AARS1: variants seen among roughly 807,000 people sequenced by gnomAD.
The protein encoded by AARS1 is alanyl-tRNA synthetase 1.
In AARS1, 72 loss-of-function variants were observed where a neutral mutation model predicts 108.9. That is an observed-to-expected ratio of 0.66 (90% CI 0.55 to 0.80). The LOEUF is 0.80. Among genes scored for constraint, AARS1 ranks in the 30% least tolerant of loss-of-function variants. The probability of loss-of-function intolerance (pLI) is 0.00; values close to 1 mark genes in which losing one functional copy is unlikely to be tolerated. For missense variants in AARS1, 1,193 were observed against 1,233.2 expected (o/e 0.97, Z 0.49); for synonymous variants, 489 against 465.7 (o/e 1.05, Z -0.64).
chr16:70,276,899 C>G, intron 3 of AARS1, 67 bp downstream of exon 3: 1 of 1,553,196 alleles, frequency 6.4e-7, no homozygotes, highest in South Asian at 1.1e-5. Flanking sequence ...AAAATTAGAA[C>G]CCAGTTCCCA....
Position 70,252,504 on chromosome 16 carries a change from A to C in AARS1, c.*217T>G. The C allele has an allele frequency of 3.4e-6, 2 of 595,162 alleles. No homozygotes were observed. Among genetic ancestry groups the C allele is most frequent in the Non-Finnish European group, 6.0e-6 (2 of 333,828 alleles). The allele number at this position is 595,162 out of a possible 1,614,324, so 36.9% of individuals were successfully genotyped here. On this transcript the variant is annotated 3_prime_UTR_variant, in exon 21 of 21. Transcript: ENST00000261772. The stretch of plus-strand genomic sequence containing the variant: ...GATGCGAGCGTGACGATCAACAGCA[A>C]TGCGGGGTTAGTGGTTCTAGACCGA...
chr16:70,285,712 G>C (rs1023512140), intron 1 of AARS1, among the ~76,000 whole-genome samples: 2 of 152,100 alleles, frequency 1.3e-5, no homozygotes, highest in Non-Finnish European at 2.9e-5. Flanking sequence ...GCCTCCCAAA[G>C]TGCTAGGATT....
At chr16:70,262,967 C>CAAAAAAAAA (rs57444625) in intron 11 of AARS1, among the ~76,000 whole-genome samples, 460 of 20,606 alleles carry the variant, frequency 0.022, 63 homozygotes, top group Admixed American at 0.026. Flanking sequence ...GACTCGGTCT[C>CAAAAAAAAA]AAAAAAAAAA....
intron 9 of AARS1, among the ~76,000 whole-genome samples, chr16:70,267,286 C>T (rs1046260336): frequency 1.3e-5 from 2 of 152,132 alleles, no homozygotes; most frequent in South Asian, 4.1e-4. Flanking sequence ...ACAGTACATA[C>T]CAAATATTCC....
At chr16:70,284,517 G>C (rs1199628316) in intron 1 of AARS1, among the ~76,000 whole-genome samples, 8 of 152,096 alleles carry the variant, frequency 5.3e-5, no homozygotes, top group Non-Finnish European at 1.2e-4. Context: ...CAGGAGAATG[G>C]CGTGAACCCA....
intron 2 of AARS1, 55 bp downstream of exon 2, chr16:70,282,565 G>C (rs1171593061): frequency 1.2e-6 from 2 of 1,605,860 alleles, no homozygotes; most frequent in Admixed American, 3.3e-5. Flanking sequence ...CTTTTATCTG[G>C]GCTCTGCTGC....
chr16:70,287,766 CTT>C (rs1960887190), intron 1 of AARS1, among the ~76,000 whole-genome samples: 1 of 152,000 alleles, frequency 6.6e-6, no homozygotes, highest in Non-Finnish European at 1.5e-5. Context: ...CGTAAAGACA[CTT>C]TTTCTTTTTT....
intron 9 of AARS1, among the ~76,000 whole-genome samples, chr16:70,266,009 T>G (rs1158779885): frequency 5.3e-5 from 8 of 152,046 alleles, no homozygotes; most frequent in Admixed American, 1.3e-4. Context: ...AAACCCCGTC[T>G]CTAGGAAAAA....
rs751265785 is a variant in AARS1, at chr16:70,269,630, T to C, written c.950A>G (p.Asn317Ser). ...VALADGGRPD[N>S]TGRGYVLRRI... ...GCAGCATACTTACCCACGCCCTGTG[T>C]TGTCAGGCCGGCCACCATCAGCCAG... Residue 317 changes from asparagine (N) to serine (S), a missense_variant, in exon 7 of 21, where the codon AAC (asparagine) becomes AGC (serine). By Grantham distance (46) the Asn-to-Ser change is conservative. Transcript: ENST00000261772. 5.0e-6 allele frequency: 8 copies of C among 1,614,098 alleles called. 2 individuals carry two copies. In the South Asian group the frequency reaches 8.8e-5, roughly 18 times the overall value.
Position 70,276,636 on chromosome 16 carries a change from A to T in AARS1, c.334-5T>A. On this transcript the variant is annotated splice_polypyrimidine_tract_variant and splice_region_variant and intron_variant, in intron 3 of 20. Coordinates refer to ENST00000261772, the MANE Select transcript of AARS1 (RefSeq NM_001605.3). ...AGCCATCTTACATGCCAATTCCTAC[A>T]AAAAGAACAGAGAGAAAGATATGGA... 1.9e-6 allele frequency: 3 copies of T among 1,613,878 alleles called. No homozygotes were observed. Among genetic ancestry groups the T allele is most frequent in the Non-Finnish European group, 2.5e-6 (3 of 1,180,014 alleles).
intron 12 of AARS1, among the ~76,000 whole-genome samples, chr16:70,262,094 C>T (rs1000854765): frequency 1.3e-5 from 2 of 152,182 alleles, no homozygotes; most frequent in Non-Finnish European, 1.5e-5. Context: ...CAGAGAGCTG[C>T]CTCTCCTTTT....
intron 1 of AARS1, among the ~76,000 whole-genome samples, chr16:70,286,328 TA>T (rs1459653223): frequency 6.6e-6 from 1 of 151,852 alleles, no homozygotes; most frequent in Non-Finnish European, 1.5e-5. Context: ...TTGGGTGCCT[TA>T]AATCACGCTG....
chr16:70,287,254 CAAAAAAA>C (rs71151181), intron 1 of AARS1, among the ~76,000 whole-genome samples: 76 of 39,432 alleles, frequency 1.9e-3, no homozygotes, highest in Admixed American at 2.0e-3. Context: ...GACTCCGTCT[CAAAAAAA>C]AAAAAAAAAA....
chr16:70,277,129 A>T lies in AARS1; in HGVS notation c.170T>A (p.Ile57Asn), dbSNP rs567262501. The T allele has an allele frequency of 6.2e-7, 1 of 1,614,134 alleles. No homozygotes were observed. Among genetic ancestry groups the T allele is most frequent in the African/African-American group, 1.3e-5 (1 of 75,042 alleles). The change falls in exon 3 of 21, where the codon ATT (isoleucine) becomes AAT (asparagine). Residue 57 changes from isoleucine (I) to asparagine (N), a missense_variant. Transcript: ENST00000261772. ...NQFKPIFLNT[I>N]DPSHPMAKLS... ...CTTTGCCATGGGGTGAGATGGGTCA[A>T]TTGTGTTCAGGAAAATGGGTTTAAA...
intron 12 of AARS1, 52 bp from the exon 13 acceptor site, chr16:70,261,209 A>T (rs764401987): frequency 1.5e-6 from 2 of 1,345,224 alleles, no homozygotes; most frequent in Non-Finnish European, 2.1e-6. Context: ...AAACATACAA[A>T]TTTTCTTATA....
rs764167027 is a variant in AARS1 at position 70,282,725 on chromosome 16, T to C, written c.39A>G (p.Arg13=). ...CGTTCCTCTTGAAGAAATCTATAAA[T>C]CGCTGCCGGATTTCACTTGCTGTTA... ...STLTASEIRQ[R]FIDFFKRNEH... The change falls in exon 2 of 21, where the codon CGA becomes CGG. Residue 13 remains arginine, a synonymous_variant. Coordinates refer to ENST00000261772, the MANE Select transcript of AARS1 (RefSeq NM_001605.3). The C allele has an allele frequency of 2.5e-6, 4 of 1,613,962 alleles. No individual in the cohort carries two copies. The South Asian group carries it at 4.4e-5, about 18-fold the overall frequency.
rs1245881070 is a variant in AARS1, at chr16:70,262,583, CT to C, written c.1493-60del. The C allele has an allele frequency of 4.0e-6, 6 of 1,518,232 alleles. No homozygotes were observed. In the African/African-American group the frequency reaches 4.1e-5, roughly 10 times the overall value. The allele number at this position is 1,518,232 out of a possible 1,614,324, so 94.0% of individuals were successfully genotyped here. A position where few individuals can be genotyped will look rare whatever the true frequency, so the allele number is the denominator to read the frequency against. ...GGGGTCAATGACCTTTTCACTCCTT[CT>C]TGGCTGACTTTTGCTGGATTCTCTT... On this transcript the variant is annotated intron_variant, in intron 11 of 20. Transcript: ENST00000261772.
chr16:70,254,941 C>T lies in AARS1; in HGVS notation c.2287-207G>A, dbSNP rs73575188. Among the ~76,000 whole-genome samples, 142 of 152,308 alleles carry T rather than the reference C, an allele frequency of 9.3e-4. 1 individual carries two copies. Among genetic ancestry groups the T allele is most frequent in the African/African-American group, 3.2e-3 (134 of 41,564 alleles). On this transcript the variant is annotated intron_variant, in intron 16 of 20. Transcript: ENST00000261772. ...CAGGCCCATTGGCAAAGGCTGCACC[C>T]AACTCAGACTCAGGGGTGATCAAGC...
At chr16:70,269,349 A>C (rs1418861488) in intron 7 of AARS1, among the ~76,000 whole-genome samples, 5 of 97,054 alleles carry the variant, frequency 5.2e-5, no homozygotes, top group Non-Finnish European at 1.1e-4. Context: ...AAAAAAAAAA[A>C]AAAAAAAAAA....
Sources: allele counts gnomAD v4.1 joint callset (sites outside exome capture counted in the v4.1 genomes callset), GRCh38; gene constraint gnomAD v4.1.1; transcripts MANE v1.5; gene names NCBI Gene and HGNC (gene_info 2026-07-23, HGNC 2026-07-21).